PDE4B: variants seen among roughly 807,000 people sequenced by gnomAD.
The protein encoded by PDE4B is 3',5'-cyclic-AMP phosphodiesterase 4B.
A neutral mutation model predicts 82.2 loss-of-function variants in PDE4B; 20 were observed. The ratio of observed to expected loss-of-function variants is 0.24; its 90% CI spans 0.17 to 0.35. The LOEUF (loss-of-function observed/expected upper bound fraction) is 0.35. Among genes scored for constraint, PDE4B ranks in the 10% least tolerant of loss-of-function variants. PDE4B has a pLI of 1.00. For missense variants in PDE4B, 655 were observed against 907.2 expected, an observed-to-expected ratio of 0.72 and a Z score of 3.57; for synonymous variants, 320 against 318.9, an observed-to-expected ratio of 1.00 and a Z score of -0.04.
intron 1 of PDE4B, among the ~76,000 whole-genome samples, chr1:65,806,426 C>T (rs936824917): frequency 2.0e-5 from 3 of 152,118 alleles, no homozygotes; most frequent in Non-Finnish European, 4.4e-5. Context: ...CATGCTTACA[C>T]TTAAATATAA....
At chr1:65,815,449 A>T (rs1645871746) in intron 1 of PDE4B, among the ~76,000 whole-genome samples, 1 of 152,086 alleles carries the variant, frequency 6.6e-6, no homozygotes, top group Non-Finnish European at 1.5e-5. Context: ...AATACAACCA[A>T]AATTAAAAAT....
chr1:65,825,691 TA>T (rs1216102118), intron 1 of PDE4B, among the ~76,000 whole-genome samples: 4 of 146,614 alleles, frequency 2.7e-5, no homozygotes. Flanking sequence ...AAAAAAAAAT[TA>T]AAAACAAAAT....
intron 16 of PDE4B, 134 bp from the exon 17 acceptor site, chr1:66,372,179 C>A: frequency 1.1e-6 from 1 of 903,584 alleles, no homozygotes; most frequent in Admixed American, 2.3e-5. Context: ...ATTGTGAGTG[C>A]CCAAATCATG....
chr1:66,123,291 G>A (rs1169405263), intron 3 of PDE4B, among the ~76,000 whole-genome samples: 1 of 152,208 alleles, frequency 6.6e-6, no homozygotes, highest in Non-Finnish European at 1.5e-5. Flanking sequence ...TGGCAAAAGT[G>A]CACAAATGTA....
intron 1 of PDE4B, among the ~76,000 whole-genome samples, chr1:65,852,877 AT>A (rs34101598): frequency 0.11 from 16,969 of 152,076 alleles, 1,073 homozygotes; most frequent in Non-Finnish European, 0.14. Context: ...TTGGGTGTAC[AT>A]TTTATAAATG....
At chr1:66,200,569 G>T (rs1175920703) in intron 3 of PDE4B, among the ~76,000 whole-genome samples, 1 of 152,080 alleles carries the variant, frequency 6.6e-6, no homozygotes, top group Non-Finnish European at 1.5e-5. Flanking sequence ...CACGTCCCTT[G>T]TAAGTTGGAT....
chr1:65,799,594 A>G (rs1645671930), intron 1 of PDE4B, among the ~76,000 whole-genome samples: 1 of 152,160 alleles, frequency 6.6e-6, no homozygotes, highest in South Asian at 2.1e-4. Flanking sequence ...TCATGCACTA[A>G]CTGTGGATTG....
At chr1:66,292,725 T>C (rs756214024) in intron 7 of PDE4B, among the ~76,000 whole-genome samples, 12 of 152,192 alleles carry the variant, frequency 7.9e-5, no homozygotes, top group Admixed American at 7.9e-4. Context: ...ACTGTTCTTA[T>C]TGTTTTAACT....
At chr1:65,989,135 G>A (rs1228135511) in intron 3 of PDE4B, among the ~76,000 whole-genome samples, 1 of 152,026 alleles carries the variant, frequency 6.6e-6, no homozygotes, top group South Asian at 2.1e-4. Context: ...ATCCTTTAAT[G>A]ATATTTTATT....
intron 7 of PDE4B, among the ~76,000 whole-genome samples, chr1:66,307,215 A>G (rs75200661): frequency 2.5e-4 from 38 of 152,286 alleles, no homozygotes; most frequent in Non-Finnish European, 5.0e-4. Context: ...AAAATGAGAA[A>G]GATAGAATAT....
chr1:66,332,729 A>C (rs897365896), intron 8 of PDE4B, 109 bp downstream of exon 8: 2 of 824,406 alleles, frequency 2.4e-6, no homozygotes, highest in Non-Finnish European at 3.8e-6. Flanking sequence ...AACTCTAAGA[A>C]TATGTTTGTT....
intron 1 of PDE4B, among the ~76,000 whole-genome samples, chr1:65,885,817 A>G (rs918900642): frequency 2.6e-5 from 4 of 151,164 alleles, no homozygotes; most frequent in Non-Finnish European, 4.4e-5. Flanking sequence ...ATATGTAACA[A>G]ACCTGCATGT....
chr1:66,251,741 T>C (rs1653802891), intron 4 of PDE4B, among the ~76,000 whole-genome samples: 1 of 151,934 alleles, frequency 6.6e-6, no homozygotes, highest in South Asian at 2.1e-4. Context: ...CTCCAGTTAG[T>C]GTGGGAGCAT....
chr1:66,262,805 A>G (rs512126), intron 6 of PDE4B, among the ~76,000 whole-genome samples: 3 of 152,224 alleles, frequency 2.0e-5, no homozygotes, highest in African/African-American at 4.8e-5. Context: ...GCTTATCTGA[A>G]TTGACAACTC....
chr1:66,371,093 ACTATATATATATAT>A (rs2050749201), intron 16 of PDE4B, among the ~76,000 whole-genome samples: 1 of 48,928 alleles, frequency 2.0e-5, no homozygotes, highest in African/African-American at 6.6e-5. Context: ...CACACATCAT[ACTATATATATATAT>A]ATATATATAT....
At chr1:66,240,613 T>G (rs918824984) in intron 3 of PDE4B, among the ~76,000 whole-genome samples, 6 of 152,254 alleles carry the variant, frequency 3.9e-5, no homozygotes, top group Non-Finnish European at 8.8e-5. Context: ...TATCTGAAAC[T>G]ATCTTACTTT....
intron 3 of PDE4B, among the ~76,000 whole-genome samples, chr1:66,007,783 C>A (rs1569956242): frequency 6.6e-6 from 1 of 152,104 alleles, no homozygotes; most frequent in African/African-American, 2.4e-5. Context: ...AATGATAGAA[C>A]AATTACATCA....
intron 3 of PDE4B, among the ~76,000 whole-genome samples, chr1:66,110,155 C>T (rs1318602699): frequency 1.3e-5 from 2 of 151,554 alleles, no homozygotes; most frequent in African/African-American, 2.4e-5. Flanking sequence ...TAAAGAGGAA[C>T]CTGATTTTAA....
At chr1:65,810,531 T>C (rs181047927) in intron 1 of PDE4B, among the ~76,000 whole-genome samples, 5 of 152,294 alleles carry the variant, frequency 3.3e-5, no homozygotes, top group Admixed American at 2.0e-4. Flanking sequence ...AGACTCAGTA[T>C]GTTAAAACTT....
Sources: allele counts gnomAD v4.1 joint callset (sites outside exome capture counted in the v4.1 genomes callset), GRCh38; gene constraint gnomAD v4.1.1; transcripts MANE v1.5; gene names NCBI Gene and HGNC (gene_info 2026-07-23, HGNC 2026-07-21).